The following NEGR1 variants were observed in gnomAD, a reference collection of about 807,000 sequenced individuals.
The protein encoded by NEGR1 is neuronal growth regulator 1.
In NEGR1, 10 loss-of-function variants were observed where a neutral mutation model predicts 40.9. That is an observed-to-expected ratio of 0.24 (90% confidence interval 0.15 to 0.42). NEGR1 has a LOEUF of 0.42. NEGR1 is among the 10% of genes least tolerant of loss of function. The pLI, the probability that NEGR1 is intolerant of heterozygous loss-of-function variation, is 1.00. For synonymous variants in NEGR1, 185 were observed against 166.8 expected (o/e 1.11, Z -0.84); for missense variants, 352 against 438.9 (o/e 0.80, Z 1.77).
chr1:71,416,067 A>G (rs1388914206), intron 6 of NEGR1, among the ~76,000 whole-genome samples: 1 of 152,208 alleles, frequency 6.6e-6, no homozygotes, highest in Non-Finnish European at 1.5e-5. Flanking sequence ...TTTTACAGAA[A>G]TAAAAATAGA....
chr1:71,703,382 A>G (rs2101634337), intron 3 of NEGR1: 1 of 152,202 alleles, frequency 6.6e-6, no homozygotes, highest in East Asian at 1.9e-4. Flanking sequence ...TAAACACTTA[A>G]CAACATAATG....
rs1174715965 is a variant in NEGR1, at chr1:71,395,993, G to A, written c.*11453C>T. 1 of 152,086 alleles carries A rather than the reference G, an allele frequency of 6.6e-6. No individual in the cohort carries two copies. Among genetic ancestry groups the A allele is most frequent in the Non-Finnish European group, 1.5e-5 (1 of 68,020 alleles). The allele number at this position is 152,086 out of a possible 1,614,324, so 9.4% of individuals were successfully genotyped here. A position where few individuals can be genotyped will look rare whatever the true frequency, so the allele number is the denominator to read the frequency against. ...TCACTAATTGTAATATGTACTAATT[G>A]TAAATGTGGAAACTGAAGCCCCATT... On this transcript the variant is annotated 3_prime_UTR_variant, in exon 7 of 7. Transcript: ENST00000357731.
intron 1 of NEGR1, among the ~76,000 whole-genome samples, chr1:72,261,365 TAATA>T (rs1655448759): frequency 6.6e-6 from 1 of 152,088 alleles, no homozygotes; most frequent in South Asian, 2.1e-4. Flanking sequence ...GCAAATCTTC[TAATA>T]AATGTATAAG....
intron 4 of NEGR1, among the ~76,000 whole-genome samples, chr1:71,668,873 C>T (rs1362880978): frequency 2.6e-5 from 4 of 152,072 alleles, no homozygotes; most frequent in South Asian, 4.2e-4. Context: ...GTCTGCTTGG[C>T]GTGAGCTAAC....
chr1:71,668,177 C>G (rs1165363185), intron 4 of NEGR1, among the ~76,000 whole-genome samples: 1 of 152,098 alleles, frequency 6.6e-6, no homozygotes, highest in African/African-American at 2.4e-5. Context: ...CATGTTTGAA[C>G]AACCCTCAGT....
At chr1:71,615,937 A>G (rs1056655216) in intron 4 of NEGR1, among the ~76,000 whole-genome samples, 2 of 152,220 alleles carry the variant, frequency 1.3e-5, no homozygotes, top group African/African-American at 2.4e-5. Flanking sequence ...AATGTAATTA[A>G]ATAGATCATT....
At chr1:72,153,899 T>C (rs902307426) in intron 1 of NEGR1, among the ~76,000 whole-genome samples, 15 of 151,304 alleles carry the variant, frequency 9.9e-5, no homozygotes, top group Admixed American at 4.6e-4. Flanking sequence ...TTCTTATAAT[T>C]TAAACAAACT....
At chr1:71,633,673 G>A (rs1200795255) in intron 4 of NEGR1, among the ~76,000 whole-genome samples, 1 of 152,062 alleles carries the variant, frequency 6.6e-6, no homozygotes, top group Non-Finnish European at 1.5e-5. Context: ...CTTGCTTACT[G>A]CCACCCAAAG....
chr1:72,163,739 T>TAGAC (rs1386256756), intron 1 of NEGR1, among the ~76,000 whole-genome samples: 1 of 95,736 alleles, frequency 1.0e-5, no homozygotes, highest in African/African-American at 4.2e-5. Flanking sequence ...AATAGATAGA[T>TAGAC]AGATAGATAG....
At chr1:72,211,027 A>C (rs1653585501) in intron 1 of NEGR1, among the ~76,000 whole-genome samples, 1 of 151,824 alleles carries the variant, frequency 6.6e-6, no homozygotes, top group Admixed American at 6.6e-5. Flanking sequence ...AAACATGCAC[A>C]GTTTTTTGTA....
At chr1:72,181,777 A>G (rs1652380826) in intron 1 of NEGR1, among the ~76,000 whole-genome samples, 1 of 152,182 alleles carries the variant, frequency 6.6e-6, no homozygotes, top group Non-Finnish European at 1.5e-5. Context: ...TAAGGGAAAT[A>G]AGCCAAACAC....
intron 1 of NEGR1, among the ~76,000 whole-genome samples, chr1:72,036,306 G>C (rs1646901521): frequency 6.6e-6 from 1 of 152,058 alleles, no homozygotes. Flanking sequence ...TTACATGTGT[G>C]TAAAGCCCTC....
At chr1:71,581,254 T>A (rs1470092199) in intron 6 of NEGR1, among the ~76,000 whole-genome samples, 1 of 152,094 alleles carries the variant, frequency 6.6e-6, no homozygotes, top group African/African-American at 2.4e-5. Flanking sequence ...CGGCAAATGG[T>A]CCAAGTTACA....
chr1:71,796,559 T>C (rs1459130444), intron 2 of NEGR1, among the ~76,000 whole-genome samples: 2 of 152,048 alleles, frequency 1.3e-5, no homozygotes, highest in Non-Finnish European at 2.9e-5. Context: ...GACCAAGGTT[T>C]TTTGTTTTGT....
chr1:71,442,013 A>C (rs774975895), intron 6 of NEGR1, among the ~76,000 whole-genome samples: 3 of 152,188 alleles, frequency 2.0e-5, no homozygotes, highest in Non-Finnish European at 2.9e-5. Flanking sequence ...AAATAGGTGA[A>C]TGTACTTTGT....
At chr1:72,034,112 A>G (rs1174172854) in intron 1 of NEGR1, among the ~76,000 whole-genome samples, 2 of 152,244 alleles carry the variant, frequency 1.3e-5, no homozygotes, top group Non-Finnish European at 2.9e-5. Flanking sequence ...GCAGCCATGT[A>G]GCACAATCAA....
intron 6 of NEGR1, among the ~76,000 whole-genome samples, chr1:71,432,159 A>G (rs141858304): frequency 6.6e-6 from 1 of 152,280 alleles, no homozygotes; most frequent in Non-Finnish European, 1.5e-5. Flanking sequence ...GAGGAGTGAC[A>G]TGTTCTAAAT....
chr1:71,612,024 C>G (rs1174668595), intron 4 of NEGR1, among the ~76,000 whole-genome samples: 1 of 152,172 alleles, frequency 6.6e-6, no homozygotes, highest in Non-Finnish European at 1.5e-5. Flanking sequence ...AGATCAAGAC[C>G]ATCCTGGCTA....
intron 1 of NEGR1, among the ~76,000 whole-genome samples, chr1:71,942,746 C>A (rs1349005613): frequency 6.8e-6 from 1 of 146,064 alleles, no homozygotes; most frequent in Admixed American, 6.9e-5. Flanking sequence ...TCGTGATCCG[C>A]CCGCCTCGGC....
Sources: allele counts gnomAD v4.1 joint callset (sites outside exome capture counted in the v4.1 genomes callset), GRCh38; gene constraint gnomAD v4.1.1; transcripts MANE v1.5; gene names NCBI Gene and HGNC (gene_info 2026-07-23, HGNC 2026-07-21).